Variants in NPAS2 observed in about 807,000 individuals in gnomAD.
NPAS2 encodes neuronal PAS domain protein 2, also known as neuronal PAS domain-containing protein 2.
Under a neutral mutation model 107.5 loss-of-function variants are expected in NPAS2, and 23 were observed. That is an observed-to-expected ratio of 0.21 (90% CI 0.15 to 0.30). The LOEUF is 0.30. NPAS2 is among the 10% of genes least tolerant of loss of function. NPAS2 has a pLI of 1.00. For synonymous variants in NPAS2, 403 were observed against 417.5 expected (o/e 0.97, Z 0.42); for missense variants, 756 against 1,043.3 (o/e 0.72, Z 3.79).
chr2:100,838,206 C>T (rs1169711539), intron 1 of NPAS2, among the ~76,000 whole-genome samples: 1 of 149,746 alleles, frequency 6.7e-6, no homozygotes, highest in Non-Finnish European at 1.5e-5. Context: ...TCCCCTAAGT[C>T]AGATGGGTTA....
chr2:100,989,274 A>T (rs17662394), intron 17 of NPAS2: 15,036 of 153,446 alleles, frequency 0.098, 921 homozygotes, highest in Non-Finnish European at 0.13. Context: ...GATGAGCAAG[A>T]GTTGTCCTGG....
Position 100,965,007 on chromosome 2 carries a change from C to A in NPAS2, c.800+64C>A. On this transcript the variant is annotated intron_variant, in intron 9 of 20. Coordinates refer to ENST00000335681, the MANE Select transcript of NPAS2 (RefSeq NM_002518.4). This position sits in a 1 kb window ranked among gnomAD's most constrained non-coding sequence, Gnocchi z 4.3. ...TCAAGTCTTGTTTGCGTGAGCCAGG[C>A]TCTCCTTGGGAGAGAAGAGTCGGCC... is the stretch of plus-strand genomic sequence containing the variant. 1 of 1,113,060 alleles carries A rather than the reference C, an allele frequency of 9.0e-7. No individual in the cohort carries two copies. Among genetic ancestry groups the A allele is most frequent in the Non-Finnish European group, 1.3e-6 (1 of 770,230 alleles). The allele number at this position is 1,113,060 out of a possible 1,614,324, so 68.9% of individuals were successfully genotyped here. A position where few individuals can be genotyped will look rare whatever the true frequency, so the allele number is the denominator to read the frequency against.
At chr2:100,854,826 C>A (rs770428508) in intron 1 of NPAS2, among the ~76,000 whole-genome samples, 1 of 152,178 alleles carries the variant, frequency 6.6e-6, no homozygotes, top group African/African-American at 2.4e-5. Flanking sequence ...ATTGTTGGTA[C>A]GTGCATTCAC....
rs550925535 is a variant in NPAS2 at position 100,866,751 on chromosome 2, G to C, written c.-22-37982G>C. Reference sequence around the variant, plus strand: ...ATCTGTGAACAAAACAAAGATTCCTGCTCTCATTTTACTGACATTCTATCC... The same window carrying C: ...ATCTGTGAACAAAACAAAGATTCCTCCTCTCATTTTACTGACATTCTATCC... On this transcript the variant is annotated intron_variant, in intron 1 of 20. Coordinates refer to ENST00000335681, the MANE Select transcript of NPAS2 (RefSeq NM_002518.4). Among the ~76,000 whole-genome samples the C allele has an allele frequency of 2.0e-5, 3 of 152,266 alleles. No individual in the cohort carries two copies. In the South Asian group the frequency reaches 6.2e-4, roughly 32 times the overall value.
At chr2:100,912,440 T>C (rs1317347162) in intron 2 of NPAS2, among the ~76,000 whole-genome samples, 1 of 152,062 alleles carries the variant, frequency 6.6e-6, no homozygotes, top group African/African-American at 2.4e-5. Context: ...CTATTCTGGG[T>C]TTCTGTTGCT....
At chr2:100,897,072 T>C (rs890354506) in intron 1 of NPAS2, among the ~76,000 whole-genome samples, 4 of 152,062 alleles carry the variant, frequency 2.6e-5, no homozygotes, top group African/African-American at 9.7e-5. Flanking sequence ...GGAAGGAGAA[T>C]TGCTGAGCAA....
chr2:100,870,488 C>T (rs1679517429), intron 1 of NPAS2, among the ~76,000 whole-genome samples: 1 of 152,132 alleles, frequency 6.6e-6, no homozygotes, highest in East Asian at 1.9e-4. Context: ...CTCTGCTTCC[C>T]AGGCTCAAGT....
chr2:100,896,636 T>G (rs1040121675), intron 1 of NPAS2, among the ~76,000 whole-genome samples: 5 of 152,244 alleles, frequency 3.3e-5, no homozygotes, highest in Non-Finnish European at 7.3e-5. Flanking sequence ...CAGTAGCTCC[T>G]GCACATGCAG....
intron 1 of NPAS2, chr2:100,878,781 G>A (rs569602778): frequency 7.6e-5 from 18 of 235,978 alleles, no homozygotes; most frequent in South Asian, 3.1e-4. Context: ...GGTTTTAAAC[G>A]TTCACCGCTA....
At chr2:100,851,574 G>A (rs1309676087) in intron 1 of NPAS2, among the ~76,000 whole-genome samples, 3 of 152,188 alleles carry the variant, frequency 2.0e-5, no homozygotes, top group African/African-American at 4.8e-5. Context: ...GCTTTGTGTG[G>A]TTAAATAAAC....
chr2:100,893,967 C>G (rs1681246347), intron 1 of NPAS2, among the ~76,000 whole-genome samples: 1 of 152,174 alleles, frequency 6.6e-6, no homozygotes, highest in African/African-American at 2.4e-5. Flanking sequence ...TCTCTGGAGA[C>G]CTGGGTGAGC....
chr2:100,959,845 T>C (rs1675818297), intron 7 of NPAS2, among the ~76,000 whole-genome samples: 1 of 152,250 alleles, frequency 6.6e-6, no homozygotes, highest in African/African-American at 2.4e-5. Flanking sequence ...ATGAGAATAC[T>C]TAATTGTTCT....
chr2:100,941,104 G>A (rs11674199), intron 5 of NPAS2, among the ~76,000 whole-genome samples: 49,520 of 152,086 alleles, frequency 0.33, 8,333 homozygotes, highest in Middle Eastern at 0.49. Context: ...AGGCTGTGGG[G>A]CTTCAAGTCT....
rs1425387607 is a variant in NPAS2 at position 100,926,863 on chromosome 2, T to C, written c.181+1569T>C. Among the ~76,000 whole-genome samples, 4 of 152,130 alleles carry C rather than the reference T, an allele frequency of 2.6e-5. No individual in the cohort carries two copies. In the East Asian group the frequency reaches 7.7e-4, roughly 29 times the overall value. On this transcript the variant is annotated intron_variant, in intron 3 of 20. Transcript: ENST00000335681. ...TTGAGGCATTCTATCTAAGAAATCATTGCCTAATCTAAGGTAATGAAGATT... is the reference window on the plus strand; with the variant it reads ...TTGAGGCATTCTATCTAAGAAATCACTGCCTAATCTAAGGTAATGAAGATT...
intron 12 of NPAS2, 123 bp from the exon 13 acceptor site, chr2:100,974,680 A>G: frequency 9.1e-7 from 1 of 1,104,656 alleles, no homozygotes; most frequent in South Asian, 1.6e-5. Context: ...AATCGTCCCC[A>G]AACAACTATG....
intron 12 of NPAS2, among the ~76,000 whole-genome samples, chr2:100,973,148 C>T (rs1432227343): frequency 1.3e-5 from 2 of 151,706 alleles, no homozygotes; most frequent in African/African-American, 4.8e-5. Flanking sequence ...CATTGCACTC[C>T]AGCCTGGGCA....
At chr2:100,874,536 G>A (rs1679831068) in intron 1 of NPAS2, among the ~76,000 whole-genome samples, 1 of 152,030 alleles carries the variant, frequency 6.6e-6, no homozygotes, top group Admixed American at 6.5e-5. Flanking sequence ...GAGGTCAGGA[G>A]TTCGAGACCA....
intron 1 of NPAS2, among the ~76,000 whole-genome samples, chr2:100,839,028 C>T (rs796468737): frequency 6.6e-6 from 1 of 152,150 alleles, no homozygotes; most frequent in South Asian, 2.1e-4. Context: ...CTCCGTCTCT[C>T]CCACCCCTGA....
At chr2:100,873,056 A>G (rs1679674715) in intron 1 of NPAS2, among the ~76,000 whole-genome samples, 1 of 151,678 alleles carries the variant, frequency 6.6e-6, no homozygotes, top group Non-Finnish European at 1.5e-5. Flanking sequence ...TAACCCTAGC[A>G]CTTTGGGAGG....
Sources: allele counts gnomAD v4.1 joint callset (sites outside exome capture counted in the v4.1 genomes callset), GRCh38; gene constraint gnomAD v4.1.1; non-coding constraint Gnocchi (gnomAD v3.1); transcripts MANE v1.5; gene names NCBI Gene and HGNC (gene_info 2026-07-23, HGNC 2026-07-21).